The following BIRC6 variants were observed in gnomAD, a reference collection of about 807,000 sequenced individuals.
BIRC6 encodes dual E2 ubiquitin-conjugating enzyme/E3 ubiquitin-protein ligase BIRC6.
In BIRC6, 98 loss-of-function variants were observed where a neutral mutation model predicts 503.3. The observed-to-expected ratio is 0.19, with a 90% confidence interval of 0.17 to 0.23. The LOEUF (loss-of-function observed/expected upper bound fraction) is 0.23. BIRC6 is among the 10% of genes least tolerant of loss of function. The pLI, the probability that BIRC6 is intolerant of heterozygous loss-of-function variation, is 1.00. For synonymous variants in BIRC6, 2,240 were observed against 2,078.7 expected, an observed-to-expected ratio of 1.08 and a Z score of -2.11; for missense variants, 5,360 against 5,806.0, an observed-to-expected ratio of 0.92 and a Z score of 2.50.
intron 58 of BIRC6, 105 bp from the exon 59 acceptor site, chr2:32,525,359 G>T: frequency 8.2e-7 from 1 of 1,216,508 alleles, no homozygotes; most frequent in South Asian, 1.3e-5. Context: ...TCTGTTTTCT[G>T]ACATTAGCTA....
At position 32,444,164 on chromosome 2, in the gene BIRC6, G is replaced by A. The variant is rs80220705; in HGVS notation, c.4336+576G>A. The stretch of plus-strand genomic sequence containing the variant: ...GGTGAGTGGGATTTGAAGAGAGGTT[G>A]ATAAATTAGTATGAACATATGGTTA... On this transcript the variant is annotated intron_variant, in intron 20 of 73. Transcript: ENST00000421745. 3.9e-3 allele frequency among the ~76,000 whole-genome samples: 590 copies of A among 151,958 alleles called. 2 individuals carry two copies. The highest frequency in any genetic ancestry group is 0.014 in the African/African-American group (569 of 41,466).
intron 20 of BIRC6, 27 bp downstream of exon 20, chr2:32,443,615 T>C (rs1251769346): frequency 6.7e-7 from 1 of 1,486,972 alleles, no homozygotes; most frequent in East Asian, 2.3e-5. Context: ...TAATCACAAA[T>C]AGTTATAGTC....
At chr2:32,470,395 T>C (rs2048985793) in intron 31 of BIRC6, 94 bp downstream of exon 31, 1 of 1,193,672 alleles carries the variant, frequency 8.4e-7, no homozygotes, top group South Asian at 1.6e-5. Flanking sequence ...TAATAATTAT[T>C]TGCAGCACAT....
At chr2:32,509,716 A>G (rs376119727) in intron 51 of BIRC6, 22 bp from the exon 52 acceptor site, 8 of 1,613,450 alleles carry the variant, frequency 5.0e-6, no homozygotes, top group South Asian at 1.1e-5. Flanking sequence ...TATTGATCAT[A>G]CAAGTCATTT....
At chr2:32,572,176 G>A (rs1253522857) in intron 65 of BIRC6, among the ~76,000 whole-genome samples, 1 of 152,146 alleles carries the variant, frequency 6.6e-6, no homozygotes, top group Non-Finnish European at 1.5e-5. Context: ...TTCATGTGTT[G>A]GTGAAAGGAA....
intron 3 of BIRC6, among the ~76,000 whole-genome samples, chr2:32,382,112 A>G (rs1282475748): frequency 6.6e-6 from 1 of 152,240 alleles, no homozygotes; most frequent in Admixed American, 6.5e-5. Context: ...AGATAACTAT[A>G]GGAAGCAGTT....
In BIRC6 at chr2:32,478,675, A is replaced by G. The variant is rs2050043347; in HGVS notation, c.7109A>G (p.His2370Arg). The G allele has an allele frequency of 6.2e-7, 1 of 1,613,822 alleles. No homozygotes were observed. Residue 2370 changes from histidine (H) to arginine (R), a missense_variant, in exon 36 of 74, where the codon CAT (histidine) becomes CGT (arginine). Around this residue, in one of 16 missense-constraint regions of BIRC6, gnomAD observed 2,299 missense variants for 2,267.2 expected, o/e 1.01. Coordinates refer to ENST00000421745, the MANE Select transcript of BIRC6 (RefSeq NM_016252.4). The part of the protein sequence containing the change: ...RIANATRPTI[H>R]LCEIVNEPQL... ...GCAAATGCCACGAGGCCAACTATTC[A>G]TCTGTGTGAGATTGTGAACGAACCC...
At chr2:32,549,232 T>A in intron 64 of BIRC6, 81 bp from the exon 65 acceptor site, 1 of 991,708 alleles carries the variant, frequency 1.0e-6, no homozygotes, top group South Asian at 3.0e-5. Flanking sequence ...ACTCTTAGTA[T>A]TCAGATTGAA....
chr2:32,444,263 A>G (rs1201438248), intron 20 of BIRC6, among the ~76,000 whole-genome samples: 1 of 152,176 alleles, frequency 6.6e-6, no homozygotes, highest in Non-Finnish European at 1.5e-5. Flanking sequence ...AATAGTTAAA[A>G]GATTTAAAGT....
At chr2:32,503,266 T>A in intron 49 of BIRC6, 30 bp downstream of exon 49, 3 of 1,549,434 alleles carry the variant, frequency 1.9e-6, no homozygotes, top group Non-Finnish European at 2.6e-6. Context: ...ATCTTACTTA[T>A]GTGAAATTAT....
chr2:32,528,872 C>T (rs1050943409), intron 59 of BIRC6: 4 of 151,310 alleles, frequency 2.6e-5, no homozygotes, highest in African/African-American at 7.3e-5. Flanking sequence ...TGTATACACA[C>T]AAAAATAAAT....
At chr2:32,493,070 TTTTG>T (rs2051951750) in intron 44 of BIRC6, among the ~76,000 whole-genome samples, 1 of 151,846 alleles carries the variant, frequency 6.6e-6, no homozygotes, top group Admixed American at 6.6e-5. Flanking sequence ...TTAGTTTTTG[TTTTG>T]TTTTTCACTT....
At chr2:32,407,056 C>G (rs560655221) in intron 9 of BIRC6, among the ~76,000 whole-genome samples, 1 of 152,200 alleles carries the variant, frequency 6.6e-6, no homozygotes, top group African/African-American at 2.4e-5. Flanking sequence ...AATAGTTTTA[C>G]TATGTCAGAA....
chr2:32,474,923 T>C (rs1224907821), intron 33 of BIRC6, among the ~76,000 whole-genome samples: 4 of 152,088 alleles, frequency 2.6e-5, no homozygotes, highest in Non-Finnish European at 4.4e-5. Context: ...TTAGTGATGT[T>C]TTTTTTCCTG....
chr2:32,363,735 A>G (rs1245226963), intron 1 of BIRC6, among the ~76,000 whole-genome samples: 1 of 152,240 alleles, frequency 6.6e-6, no homozygotes, highest in East Asian at 1.9e-4. Context: ...TCATCTGTAA[A>G]TTAAGATTAA....
chr2:32,470,141 TTTC>T (rs1215770593), intron 30 of BIRC6, 24 bp from the exon 31 acceptor site: 18 of 1,453,774 alleles, frequency 1.2e-5, no homozygotes, highest in Non-Finnish European at 1.6e-5. Context: ...TTCTTATTCT[TTTC>T]TTTTTTGTTT....
chr2:32,506,863 G>A (rs974979691), intron 50 of BIRC6, among the ~76,000 whole-genome samples: 1 of 152,104 alleles, frequency 6.6e-6, no homozygotes, highest in Non-Finnish European at 1.5e-5. Context: ...TGTGTAAAAT[G>A]TAGATAATAC....
At chr2:32,526,263 C>T (rs545448676) in intron 59 of BIRC6, among the ~76,000 whole-genome samples, 12 of 152,182 alleles carry the variant, frequency 7.9e-5, no homozygotes, top group African/African-American at 2.2e-4. Context: ...TGAGCATGCC[C>T]GATTCCTCCC....
chr2:32,574,080 C>T (rs2060092783), intron 65 of BIRC6, among the ~76,000 whole-genome samples: 1 of 151,740 alleles, frequency 6.6e-6, no homozygotes, highest in Non-Finnish European at 1.5e-5. Context: ...TAGCAGCTAA[C>T]CTATTAAGTT....
Sources: gnomAD v4.1 joint callset for allele counts (sites outside exome capture counted in the v4.1 genomes callset) on GRCh38, gnomAD v4.1.1 for gene constraint, gnomAD v4.1.1 regional missense constraint, MANE v1.5 for transcripts, NCBI Gene and HGNC (gene_info 2026-07-23, HGNC 2026-07-21) for gene names.